Variants in WDR70 observed in about 807,000 individuals in gnomAD.
WDR70 encodes the protein WD repeat domain 70.
Under a neutral mutation model 88.6 loss-of-function variants are expected in WDR70, and 53 were observed. The observed-to-expected ratio is 0.60, with a 90% CI of 0.48 to 0.75. WDR70 has a LOEUF of 0.75. Among genes scored for constraint, WDR70 ranks in the 30% least tolerant of loss-of-function variants. The pLI is 0.00. For synonymous variants in WDR70, 280 were observed against 270.0 expected, an observed-to-expected ratio of 1.04 and a Z score of -0.36; for missense variants, 610 against 823.2, an observed-to-expected ratio of 0.74 and a Z score of 3.17.
intron 10 of WDR70, among the ~76,000 whole-genome samples, chr5:37,683,246 A>T (rs1370670454): frequency 1.3e-5 from 2 of 152,134 alleles, no homozygotes; most frequent in Non-Finnish European, 2.9e-5. Flanking sequence ...TCTCTTGAAG[A>T]CAACATACGA....
At chr5:37,751,982 C>T (rs1356438761) in intron 17 of WDR70, among the ~76,000 whole-genome samples, 1 of 152,126 alleles carries the variant, frequency 6.6e-6, no homozygotes, top group Admixed American at 6.6e-5. Context: ...TTTATTTTTG[C>T]AGGCTCAAAT....
chr5:37,562,579 C>T (rs933129003), intron 9 of WDR70, among the ~76,000 whole-genome samples: 3 of 152,114 alleles, frequency 2.0e-5, no homozygotes, highest in Non-Finnish European at 4.4e-5. Flanking sequence ...AGGCAGAGGA[C>T]CCTGCGGCCT....
chr5:37,523,193 C>G (rs1420201632), intron 9 of WDR70, among the ~76,000 whole-genome samples: 1 of 152,210 alleles, frequency 6.6e-6, no homozygotes, highest in Non-Finnish European at 1.5e-5. Context: ...TCAAGAGGTC[C>G]CTGACCCCTG....
chr5:37,579,487 G>A (rs1743157081), intron 9 of WDR70, among the ~76,000 whole-genome samples: 1 of 150,920 alleles, frequency 6.6e-6, no homozygotes, highest in African/African-American at 2.4e-5. Flanking sequence ...GGGAGGCTGA[G>A]GCAGGAGAAT....
chr5:37,733,280 G>C (rs935606841), intron 17 of WDR70, among the ~76,000 whole-genome samples: 1 of 151,974 alleles, frequency 6.6e-6, no homozygotes, highest in Non-Finnish European at 1.5e-5. Flanking sequence ...ACTTACAGTA[G>C]CATTTAGAGC....
intron 9 of WDR70, among the ~76,000 whole-genome samples, chr5:37,591,404 T>C (rs1225075320): frequency 2.0e-5 from 3 of 152,222 alleles, no homozygotes; most frequent in Admixed American, 2.0e-4. Flanking sequence ...TGAAAGATAA[T>C]TGGGAATTTT....
chr5:37,727,105 T>C (rs1475576439), intron 17 of WDR70, 60 bp downstream of exon 17: 7 of 1,542,496 alleles, frequency 4.5e-6, no homozygotes, highest in African/African-American at 1.4e-5. Flanking sequence ...GGGGAGAACA[T>C]AACAATGTTG....
intron 10 of WDR70, among the ~76,000 whole-genome samples, chr5:37,663,005 A>C (rs1745742016): frequency 6.6e-6 from 1 of 152,212 alleles, no homozygotes; most frequent in South Asian, 2.1e-4. Context: ...GCACAGCACA[A>C]TGCCAGGGAC....
At chr5:37,707,509 T>C (rs1390755624) in intron 13 of WDR70, among the ~76,000 whole-genome samples, 1 of 152,236 alleles carries the variant, frequency 6.6e-6, no homozygotes, top group Non-Finnish European at 1.5e-5. Flanking sequence ...TAAACCTTTA[T>C]TTTTGAAAAC....
At chr5:37,555,621 T>C (rs1024914121) in intron 9 of WDR70, among the ~76,000 whole-genome samples, 1 of 152,234 alleles carries the variant, frequency 6.6e-6, no homozygotes, top group Non-Finnish European at 1.5e-5. Flanking sequence ...ATAGTTTACC[T>C]AAAACTTCAC....
chr5:37,564,577 GGAGGGA>G (rs1389224790), intron 9 of WDR70, among the ~76,000 whole-genome samples: 2 of 147,216 alleles, frequency 1.4e-5, no homozygotes, highest in Middle Eastern at 3.5e-3. Context: ...GAGAGGGAGA[GGAGGGA>G]GAGGGAGAGG....
At chr5:37,636,739 T>A (rs750454680) in intron 10 of WDR70, among the ~76,000 whole-genome samples, 5 of 152,128 alleles carry the variant, frequency 3.3e-5, no homozygotes, top group Non-Finnish European at 7.4e-5. Context: ...GTAAAATAAC[T>A]GGCCACTAGT....
intron 9 of WDR70, among the ~76,000 whole-genome samples, chr5:37,593,360 T>C (rs1743597798): frequency 6.6e-6 from 1 of 151,988 alleles, no homozygotes; most frequent in South Asian, 2.1e-4. Flanking sequence ...CCCTGTGTTC[T>C]CATTGTTCAA....
At chr5:37,704,671 G>A (rs1158117539) in intron 13 of WDR70, among the ~76,000 whole-genome samples, 2 of 152,134 alleles carry the variant, frequency 1.3e-5, no homozygotes, top group African/African-American at 2.4e-5. Context: ...CAGTATCCTC[G>A]ATGCTTTCAA....
intron 9 of WDR70, among the ~76,000 whole-genome samples, chr5:37,559,408 A>G (rs567290629): frequency 2.6e-5 from 4 of 151,768 alleles, no homozygotes; most frequent in Non-Finnish European, 5.9e-5. Context: ...TTCCTCTCTC[A>G]TGCTTTTTCC....
chr5:37,721,154 A>C lies in WDR70; in HGVS notation c.1456A>C (p.Ile486Leu). Residue 486 changes from isoleucine (I) to leucine (L), a missense_variant, in exon 14 of 18, where the codon ATC becomes CTC. Ile to Leu is a conservative substitution (Grantham distance 5). Coordinates refer to ENST00000265107, the MANE Select transcript of WDR70 (RefSeq NM_018034.4). ...CCTGTGGCATCCAAAGCTGAACCAG[A>C]TCATGGTTGGAACTGGAAATGGATT... ...RCLWHPKLNQ[I>L]MVGTGNGLAK... 1 of 1,613,768 alleles carries C rather than the reference A, an allele frequency of 6.2e-7. No homozygotes were observed. Among genetic ancestry groups the C allele is most frequent in the Non-Finnish European group, 8.5e-7 (1 of 1,179,746 alleles).
intron 9 of WDR70, among the ~76,000 whole-genome samples, chr5:37,540,738 T>A (rs1741792679): frequency 6.6e-6 from 1 of 152,370 alleles, no homozygotes; most frequent in African/African-American, 2.4e-5. Context: ...CCCATAATTT[T>A]AAAATGTATT....
intron 10 of WDR70, 130 bp downstream of exon 10, chr5:37,605,368 A>G (rs1744008006): frequency 2.1e-6 from 2 of 938,320 alleles, no homozygotes; most frequent in Non-Finnish European, 3.0e-6. Flanking sequence ...TTTAAACTTC[A>G]GTGTTAGGTG....
At chr5:37,396,271 A>G in intron 4 of WDR70, 104 bp from the exon 5 acceptor site, 1 of 1,365,688 alleles carries the variant, frequency 7.3e-7, no homozygotes, top group Non-Finnish European at 9.6e-7. Flanking sequence ...AAAAATACCC[A>G]GTTGTTAATA....
Sources: allele counts gnomAD v4.1 joint callset (sites outside exome capture counted in the v4.1 genomes callset), GRCh38; gene constraint gnomAD v4.1.1; transcripts MANE v1.5; gene names NCBI Gene and HGNC (gene_info 2026-07-23, HGNC 2026-07-21).